The following PCDHA2 variants were observed in gnomAD, a reference collection of about 807,000 sequenced individuals.
PCDHA2 encodes protocadherin alpha 2, also known as protocadherin alpha-2.
PCDHA2 carries 58 observed loss-of-function variants against 66.0 expected under a neutral mutation model. The ratio of observed to expected loss-of-function variants is 0.88; its 90% CI spans 0.71 to 1.09. The LOEUF is 1.09. Among genes scored for constraint, PCDHA2 ranks in the 50% least tolerant of loss-of-function variants. PCDHA2 has a pLI of 0.00. For synonymous variants in PCDHA2, 634 were observed against 554.0 expected (o/e 1.14, Z -2.03); for missense variants, 1,267 against 1,242.3 (o/e 1.02, Z -0.30).
intron 1 of PCDHA2, among the ~76,000 whole-genome samples, chr5:140,844,800 T>C (rs1779552388): frequency 6.7e-6 from 1 of 149,422 alleles, no homozygotes; most frequent in South Asian, 2.1e-4. Flanking sequence ...AACATTTTCT[T>C]TCTTTTATTT....
intron 1 of PCDHA2, chr5:140,800,917 T>G: frequency 1.6e-6 from 1 of 625,972 alleles, no homozygotes. Flanking sequence ...ATATTACAAT[T>G]GAAACTAGAA....
At chr5:140,820,200 C>T (rs2150106247) in intron 1 of PCDHA2, among the ~76,000 whole-genome samples, 3 of 151,706 alleles carry the variant, frequency 2.0e-5, no homozygotes, top group African/African-American at 4.8e-5. Flanking sequence ...TGTGTTTCAA[C>T]GATCCAAATA....
chr5:140,925,108 G>GGGAA (rs1299910272), intron 1 of PCDHA2, among the ~76,000 whole-genome samples: 1 of 124,780 alleles, frequency 8.0e-6, no homozygotes, highest in East Asian at 2.1e-4. Flanking sequence ...GAAGGAAGGA[G>GGGAA]GGAAGGAAGG....
intron 1 of PCDHA2, chr5:140,967,449 C>T (rs2096141880): frequency 1.2e-6 from 2 of 1,613,586 alleles, no homozygotes; most frequent in Non-Finnish European, 1.7e-6. Context: ...CTGGTTCTCA[C>T]AGCCGTGGAT....
chr5:140,823,029 G>T, intron 1 of PCDHA2: 1 of 1,614,222 alleles, frequency 6.2e-7, no homozygotes, highest in African/African-American at 1.3e-5. Flanking sequence ...AGAGCGTGTC[G>T]GTCTATGAGC....
intron 1 of PCDHA2, among the ~76,000 whole-genome samples, chr5:140,799,716 C>T (rs1581634729): frequency 6.6e-6 from 1 of 152,156 alleles, no homozygotes; most frequent in South Asian, 2.1e-4. Context: ...GAGTAAGTTG[C>T]AGTCCTGGCT....
At chr5:140,969,317 G>C in intron 1 of PCDHA2, 1 of 1,614,156 alleles carries the variant, frequency 6.2e-7, no homozygotes, top group African/African-American at 1.3e-5. Context: ...AAATGAGGCT[G>C]TTTCTCAAAA....
intron 1 of PCDHA2, chr5:140,968,409 C>G: frequency 3.7e-6 from 6 of 1,614,024 alleles, no homozygotes; most frequent in South Asian, 1.1e-5. Context: ...TTCTTTGTGA[C>G]TGTGGAGGCT....
At chr5:140,855,043 A>G (rs1177113480) in intron 1 of PCDHA2, among the ~76,000 whole-genome samples, 1 of 150,018 alleles carries the variant, frequency 6.7e-6, no homozygotes, top group African/African-American at 2.4e-5. Flanking sequence ...TTTTTCTGTA[A>G]TAGTACTTTT....
intron 1 of PCDHA2, chr5:140,869,260 G>A (rs976245495): frequency 6.2e-7 from 1 of 1,613,638 alleles, no homozygotes; most frequent in Non-Finnish European, 8.5e-7. Context: ...GCAGGACCTG[G>A]GGCTGGAGCT....
intron 1 of PCDHA2, chr5:140,841,459 C>A (rs1554138209): frequency 1.9e-6 from 3 of 1,612,886 alleles, no homozygotes; most frequent in African/African-American, 2.7e-5. Context: ...CCTTCGTGGG[C>A]CGGATCGCGC....
chr5:140,869,424 G>T (rs2051119407), intron 1 of PCDHA2: 18 of 1,614,216 alleles, frequency 1.1e-5, no homozygotes, highest in Non-Finnish European at 1.5e-5. Context: ...TCCACCTGGA[G>T]GTGATCGTGG....
At chr5:140,971,038 A>G (rs948457676) in intron 1 of PCDHA2, among the ~76,000 whole-genome samples, 4 of 152,216 alleles carry the variant, frequency 2.6e-5, no homozygotes, top group Non-Finnish European at 5.9e-5. Context: ...GAAAGCACGT[A>G]AAAGGGTTTA....
At chr5:140,837,593 A>G (rs1168941201) in intron 1 of PCDHA2, among the ~76,000 whole-genome samples, 3 of 151,646 alleles carry the variant, frequency 2.0e-5, no homozygotes, top group Admixed American at 1.3e-4. Flanking sequence ...TAAATCGCCA[A>G]TATATATATT....
intron 1 of PCDHA2, chr5:140,827,981 T>G (rs1359301062): frequency 2.8e-6 from 4 of 1,422,902 alleles, no homozygotes; most frequent in Non-Finnish European, 3.8e-6. Flanking sequence ...ATTCCCTGAC[T>G]GTTGAATGAT....
In PCDHA2 at chr5:140,966,434, C is replaced by G. The variant is rs889087342; in HGVS notation, c.2389-12515C>G. 9 of 423,984 alleles carry G rather than the reference C, an allele frequency of 2.1e-5. No individual in the cohort carries two copies. In the Admixed American group the frequency reaches 3.9e-4, roughly 19 times the overall value. The allele number at this position is 423,984 out of a possible 1,614,324, so 26.3% of individuals were successfully genotyped here. On this transcript the variant is annotated intron_variant, in intron 1 of 3. Coordinates refer to ENST00000526136, the MANE Select transcript of PCDHA2 (RefSeq NM_018905.3). ...GAGCAGGACTTGCTGAGCCCTCCTA[C>G]CGCTCCCTTTCCCCCTCCCCCTCTG...
chr5:140,884,456 G>A lies in PCDHA2; in HGVS notation c.2388+87104G>A, dbSNP rs1460569799. 2.5e-6 allele frequency: 4 copies of A among 1,613,650 alleles called. No individual in the cohort carries two copies. In the African/African-American group the frequency reaches 5.3e-5, roughly 22 times the overall value. The stretch of plus-strand genomic sequence containing the variant: ...GCGGTGCTCGGCACCGCCCACCGAG[G>A]GCGCGTGCGCGCCGGGCAAGCCCAC... On this transcript the variant is annotated intron_variant, in intron 1 of 3. Coordinates refer to ENST00000526136, the MANE Select transcript of PCDHA2 (RefSeq NM_018905.3).
chr5:140,877,508 C>G (rs892674985), intron 1 of PCDHA2: 1 of 1,613,808 alleles, frequency 6.2e-7, no homozygotes, highest in Admixed American at 1.7e-5. Flanking sequence ...CCAAAGACGT[C>G]GTCGCGGGCC....
At chr5:140,967,750 C>T (rs782284231) in intron 1 of PCDHA2, 3 of 1,614,072 alleles carry the variant, frequency 1.9e-6, no homozygotes, top group Non-Finnish European at 8.5e-7. Flanking sequence ...ATGAGGAAGC[C>T]TCCTCCTACC....
Sources: allele counts gnomAD v4.1 joint callset (sites outside exome capture counted in the v4.1 genomes callset), GRCh38; gene constraint gnomAD v4.1.1; transcripts MANE v1.5; gene names NCBI Gene and HGNC (gene_info 2026-07-23, HGNC 2026-07-21).